HSF4: variants seen among roughly 807,000 people sequenced by gnomAD.
The protein encoded by HSF4 is heat shock factor protein 4.
In HSF4, 41 loss-of-function variants were observed where a neutral mutation model predicts 52.0. The observed-to-expected ratio is 0.79, with a 90% confidence interval of 0.61 to 1.02. The LOEUF (loss-of-function observed/expected upper bound fraction) is 1.02, where lower values mean the gene tolerates loss of function less well. Ranked by LOEUF, HSF4 falls within the 50% of genes least tolerant of loss-of-function variation. The pLI, the probability that HSF4 is intolerant of heterozygous loss-of-function variation, is 0.00. For missense variants in HSF4, 610 were observed against 651.1 expected, an observed-to-expected ratio of 0.94 and a Z score of 0.69; for synonymous variants, 285 against 273.0, an observed-to-expected ratio of 1.04 and a Z score of -0.43.
upstream of HSF4, chr16:67,163,975 G>A: frequency 8.5e-7 from 1 of 1,182,822 alleles, no homozygotes; most frequent in Non-Finnish European, 1.2e-6. Context: ...ATCGGGACCA[G>A]TCCTGGGCGC....
rs1341476258 is a variant in HSF4, at chr16:67,167,191, C to T, written c.698C>T (p.Ala233Val). The change falls in exon 7 of 13, where the codon GCC (alanine) becomes GTC (valine). Residue 233 changes from alanine to valine, a missense_variant. Transcript: ENST00000521374. ...AKFNTCPLPG[A>V]LLQDPYFIQS... ...TTCAACACCTGCCCTCTACCTGGTG[C>T]CCTTCTGCAGGACCCCTACTTCATC... 6.2e-7 allele frequency: 1 copy of T among 1,614,072 alleles called. No individual in the cohort carries two copies.
In HSF4 at chr16:67,165,254, G is replaced by T; in HGVS notation, c.124-268G>T. ...GGTCTAGCTCAGGGTCACATTGCGG[G>T]GCTGGGAACCCCGTCAGCCTCTCCT... On this transcript the variant is annotated intron_variant, in intron 1 of 12. Transcript: ENST00000521374. The surrounding 1 kb of genome is among the most constrained non-coding windows in gnomAD (Gnocchi z 6.9). 1 of 596,062 alleles carries T rather than the reference G, an allele frequency of 1.7e-6. No homozygotes were observed. Among genetic ancestry groups the T allele is most frequent in the East Asian group, 2.8e-5 (1 of 35,946 alleles). 36.9% of individuals were successfully genotyped at this position (596,062 alleles called of 1,614,324 possible).
upstream of HSF4, chr16:67,163,873 C>CGGGG (rs5817616): frequency 4.3e-4 from 546 of 1,257,824 alleles, 3 homozygotes; most frequent in African/African-American, 7.7e-3. Context: ...TGAGAGGGAA[C>CGGGG]GGGGGGGGTG....
chr16:67,163,902 G>T, upstream of HSF4: 3 of 1,523,024 alleles, frequency 2.0e-6, no homozygotes, highest in East Asian at 4.6e-5. Flanking sequence ...CGCCCCGAGT[G>T]CTAGTGCCTT....
At chr16:67,166,737 C>G (rs2031332207) in intron 6 of HSF4, 115 bp downstream of exon 6, 1 of 983,784 alleles carries the variant, frequency 1.0e-6, no homozygotes, top group African/African-American at 1.6e-5. Context: ...ATTCCTCCCC[C>G]TGCGCTACAG....
rs770695510 is a variant in HSF4 at position 67,165,883 on chromosome 16, G to A, written c.360+37G>A. On this transcript the variant is annotated intron_variant, in intron 3 of 12. Transcript: ENST00000521374. The surrounding 1 kb of genome is among the most constrained non-coding windows in gnomAD (Gnocchi z 6.9). ...CTGCGGGAATGAGCAAAGAGGAGGA[G>A]GGGTGCTGGGACTGCCTGCCTTGCT... 11 of 1,596,708 alleles carry A rather than the reference G, an allele frequency of 6.9e-6. No individual in the cohort carries two copies. The East Asian group carries it at 1.8e-4, about 26-fold the overall frequency.
rs1421457210 is a variant in HSF4, at chr16:67,169,136, G to T, written c.1254+35G>T. On this transcript the variant is annotated intron_variant, in intron 11 of 12. Coordinates refer to ENST00000521374, the MANE Select transcript of HSF4 (RefSeq NM_001374675.1). This position sits in a 1 kb window ranked among gnomAD's most constrained non-coding sequence, Gnocchi z 4.3. ...GGGTCGGGGAGGGCAGAGGCCAGGG[G>T]TGGCTGAGTCAAGCCCTCTGGTCCA... 6.2e-7 allele frequency: 1 copy of T among 1,608,024 alleles called. No individual in the cohort carries two copies. Among genetic ancestry groups the T allele is most frequent in the Non-Finnish European group, 8.5e-7 (1 of 1,177,748 alleles).
In HSF4 at chr16:67,165,813, C is replaced by T. The variant is rs766350771; in HGVS notation, c.327C>T (p.Gly109=). 6.2e-7 allele frequency: 1 copy of T among 1,607,178 alleles called. No individual in the cohort carries two copies. The highest frequency in any genetic ancestry group is 2.2e-5 in the East Asian group (1 of 44,826). ...TCCAGCACCCGAGCTTCGTGCGCGG[C>T]CGCGAGCAGCTACTGGAGCGCGTGC... The part of the protein sequence containing the change: ...VEFQHPSFVR[G]REQLLERVRR... The change falls in exon 3 of 13, where the codon GGC becomes GGT. Residue 109 remains glycine, a synonymous_variant. Coordinates refer to ENST00000521374, the MANE Select transcript of HSF4 (RefSeq NM_001374675.1). This position sits in a 1 kb window ranked among gnomAD's most constrained non-coding sequence, Gnocchi z 6.9.
intron 7 of HSF4, 57 bp downstream of exon 7, chr16:67,167,279 T>C (rs1212992242): frequency 1.2e-6 from 2 of 1,612,582 alleles, no homozygotes; most frequent in South Asian, 2.2e-5. Context: ...GGAGAGCCTG[T>C]TCCTTCTCCC....
In HSF4 at chr16:67,166,406, C is replaced by T; in HGVS notation, c.561+11C>T. 6.2e-7 allele frequency: 1 copy of T among 1,606,104 alleles called. No individual in the cohort carries two copies. The highest frequency in any genetic ancestry group is 1.7e-4 in the Middle Eastern group (1 of 6,060). Reference sequence around the variant, plus strand: ...CGGGTCATTGGCAAGGTGTTCCTCTCCCCAAGCCTCGCTTCTCCCTCCCAC... The same window carrying T: ...CGGGTCATTGGCAAGGTGTTCCTCTTCCCAAGCCTCGCTTCTCCCTCCCAC... On this transcript the variant is annotated intron_variant, in intron 5 of 12. Coordinates refer to ENST00000521374, the MANE Select transcript of HSF4 (RefSeq NM_001374675.1).
Position 67,169,796 on chromosome 16 carries a change from C to T in HSF4, c.*11C>T. 1 of 1,613,068 alleles carries T rather than the reference C, an allele frequency of 6.2e-7. No homozygotes were observed. Among genetic ancestry groups the T allele is most frequent in the Non-Finnish European group, 8.5e-7 (1 of 1,179,982 alleles). ...AGTCCCTCCCCCTAAGACCCCGCGC[C>T]TCTGAAGGGGCTTGGAACCAGTCCG... On this transcript the variant is annotated 3_prime_UTR_variant, in exon 13 of 13. Transcript: ENST00000521374. The surrounding 1 kb of genome is among the most constrained non-coding windows in gnomAD (Gnocchi z 4.3).
At chr16:67,164,584 C>T, upstream of HSF4, 1 of 504,128 alleles carries the variant, frequency 2.0e-6, no homozygotes, top group Non-Finnish European at 3.8e-6. Context: ...CCCCACCCCA[C>T]CCCTCCACTC....
Position 67,169,573 on chromosome 16 carries a change from T to G in HSF4, c.1325-58T>G. 1 of 1,599,810 alleles carries G rather than the reference T, an allele frequency of 6.3e-7. No individual in the cohort carries two copies. Among genetic ancestry groups the G allele is most frequent in the Non-Finnish European group, 8.5e-7 (1 of 1,179,620 alleles). ...GAAGGCAGGCGGGCAGGGCTCTCCT[T>G]CCCTGAAGAAAGGAGGGGGAACATT... is the stretch of plus-strand genomic sequence containing the variant. On this transcript the variant is annotated intron_variant, in intron 12 of 12. Coordinates refer to ENST00000521374, the MANE Select transcript of HSF4 (RefSeq NM_001374675.1). The surrounding 1 kb of genome is among the most constrained non-coding windows in gnomAD (Gnocchi z 4.3).
rs1567669185 is a variant in HSF4, at chr16:67,166,589, C to CG, written c.597dup (p.Pro200AlafsTer16). The CG allele has an allele frequency of 6.2e-7, 1 of 1,613,766 alleles. No homozygotes were observed. The highest frequency in any genetic ancestry group is 2.2e-5 in the East Asian group (1 of 44,888). On this transcript the variant is annotated frameshift_variant, in exon 6 of 13. Coordinates refer to ENST00000521374, the MANE Select transcript of HSF4 (RefSeq NM_001374675.1). LOFTEE classifies it high-confidence loss of function. ...CAGTGTCTCTTTGGGCCACTTCAGG[C>CG]GGGGCCGAGCAATGCAGGAGGCAAG... is the stretch of plus-strand genomic sequence containing the variant.
Position 67,167,793 on chromosome 16 carries a change from G to T in HSF4, c.928G>T (p.Ala310Ser). The T allele has an allele frequency of 6.3e-7, 1 of 1,598,448 alleles. No homozygotes were observed. Among genetic ancestry groups the T allele is most frequent in the Non-Finnish European group, 8.5e-7 (1 of 1,173,112 alleles). Reference sequence around the variant, plus strand: ...GGATGGCGAGGCCGGGCTGGCCCTGGCCCCAAACGAGTGTGACTTCTGCGT... The same window carrying T: ...GGATGGCGAGGCCGGGCTGGCCCTGTCCCCAAACGAGTGTGACTTCTGCGT... ...GGDGEAGLALAPNECDFCVTA... is the reference protein window; with the variant it reads ...GGDGEAGLALSPNECDFCVTA... Residue 310 changes from alanine (A) to serine (S), a missense_variant, in exon 9 of 13, where the codon GCC (alanine) becomes TCC (serine). Transcript: ENST00000521374.
rs1369509090 is a variant in HSF4 at position 67,165,927 on chromosome 16, C to T, written c.361-19C>T. On this transcript the variant is annotated intron_variant, in intron 3 of 12. Transcript: ENST00000521374. The surrounding 1 kb of genome is among the most constrained non-coding windows in gnomAD (Gnocchi z 6.9). The stretch of plus-strand genomic sequence containing the variant: ...CCTTGCTCCTGCGACCCAGTCCCGA[C>T]GGTGCCTCCCGCCTGCAGGTGCCCG... 6.3e-7 allele frequency: 1 copy of T among 1,580,578 alleles called. No homozygotes were observed. Among genetic ancestry groups the T allele is most frequent in the South Asian group, 1.1e-5 (1 of 89,088 alleles).
chr16:67,169,751 C>T lies in HSF4; in HGVS notation c.1445C>T (p.Ser482Phe). ...AGCACTCCTGAGAGCCGGACTGCCT[C>T]CTACTTGGGCCCGGAAGCCAGTCCC... is the stretch of plus-strand genomic sequence containing the variant. ...IYSTPESRTA[S>F]YLGPEASPSP is the part of the protein sequence containing the mutation. Residue 482 changes from serine (S) to phenylalanine (F), a missense_variant, in exon 13 of 13, where the codon TCC becomes TTC. Coordinates refer to ENST00000521374, the MANE Select transcript of HSF4 (RefSeq NM_001374675.1). This position sits in a 1 kb window ranked among gnomAD's most constrained non-coding sequence, Gnocchi z 4.3. 1 of 1,613,082 alleles carries T rather than the reference C, an allele frequency of 6.2e-7. No individual in the cohort carries two copies. The highest frequency in any genetic ancestry group is 8.5e-7 in the Non-Finnish European group (1 of 1,179,998).
chr16:67,166,508 G>T (rs373573708), intron 5 of HSF4, 50 bp from the exon 6 acceptor site: 1 of 1,607,598 alleles, frequency 6.2e-7, no homozygotes, highest in Admixed American at 1.7e-5. Flanking sequence ...AAGTGCGGGG[G>T]TGGGGGGGCT....
In HSF4 at chr16:67,165,049, CCATT is replaced by C; in HGVS notation, c.123+118_123+121del. On this transcript the variant is annotated intron_variant, in intron 1 of 12. Coordinates refer to ENST00000521374, the MANE Select transcript of HSF4 (RefSeq NM_001374675.1). The surrounding 1 kb of genome is among the most constrained non-coding windows in gnomAD (Gnocchi z 6.9). ...CTGGGCCGTGGATCCCCGGATTTGG[CCATT>C]CAGAGAAGTTCACCTTGGAGGGGGT... 20 of 1,212,428 alleles carry C rather than the reference CCATT, an allele frequency of 1.6e-5. No homozygotes were observed. The highest frequency in any genetic ancestry group is 2.3e-5 in the Non-Finnish European group (20 of 888,186). The allele number at this position is 1,212,428 out of a possible 1,614,324, so 75.1% of individuals were successfully genotyped here.
Sources: gnomAD v4.1 joint callset for allele counts on GRCh38, gnomAD v4.1.1 for gene constraint, Gnocchi (gnomAD v3.1) non-coding constraint, MANE v1.5 for transcripts, NCBI Gene and HGNC (gene_info 2026-07-23, HGNC 2026-07-21) for gene names.